The following MAF variants were observed in gnomAD, a reference collection of about 807,000 sequenced individuals.
MAF encodes the protein MAF bZIP transcription factor.
MAF carries 10 observed loss-of-function variants against 22.0 expected under a neutral mutation model. The observed-to-expected ratio is 0.45, with a 90% CI of 0.28 to 0.77. MAF has a LOEUF of 0.77. Among genes scored for constraint, MAF ranks in the 30% least tolerant of loss-of-function variants. MAF has a pLI of 0.12. For synonymous variants in MAF, 337 were observed against 255.8 expected, an observed-to-expected ratio of 1.32 and a Z score of -3.03; for missense variants, 544 against 548.4, an observed-to-expected ratio of 0.99 and a Z score of 0.08.
the MAF span, among the ~76,000 whole-genome samples, chr16:79,569,797 G>A: frequency 5.3e-5 from 8 of 152,196 alleles, no homozygotes; most frequent in African/African-American, 1.7e-4. Context: ...ATTTTCACAA[G>A]TGACCAATGT....
At position 79,598,946 on chromosome 16, in the gene MAF, C is replaced by T. The variant is rs1597847472; in HGVS notation, c.957G>A (p.Glu319=). The T allele has an allele frequency of 1.2e-6, 2 of 1,613,788 alleles. No homozygotes were observed. Among genetic ancestry groups the T allele is most frequent in the Non-Finnish European group, 1.7e-6 (2 of 1,179,948 alleles). Residue 319 remains glutamate, a synonymous_variant, in exon 1 of 2, where the codon GAG becomes GAA. Transcript: ENST00000326043. ...CGACTTGCTGCAGCAGCTGGTTCTT[C>T]TCCGACTCCAGGACGTGTCTCTGCT... is the stretch of plus-strand genomic sequence containing the variant. ...RVQQRHVLES[E]KNQLLQQVDH...
the MAF span, among the ~76,000 whole-genome samples, chr16:79,280,113 C>G: frequency 6.6e-6 from 1 of 152,162 alleles, no homozygotes; most frequent in Non-Finnish European, 1.5e-5. Context: ...CCCTATTAAC[C>G]AGAAGTGATT....
chr16:79,397,218 A>G, the MAF span, among the ~76,000 whole-genome samples: 8 of 152,206 alleles, frequency 5.3e-5, no homozygotes, highest in Non-Finnish European at 1.0e-4. Flanking sequence ...TGTGTCTTCC[A>G]CAACCATGGG....
the MAF span, among the ~76,000 whole-genome samples, chr16:79,208,930 T>C: frequency 1.3e-5 from 2 of 152,094 alleles, no homozygotes; most frequent in Admixed American, 6.5e-5. Flanking sequence ...GAAAGTAGAG[T>C]GAGTACCCAT....
the MAF span, among the ~76,000 whole-genome samples, chr16:79,371,415 G>T: frequency 6.6e-6 from 1 of 152,186 alleles, no homozygotes; most frequent in Non-Finnish European, 1.5e-5. Context: ...TGGGACGAGT[G>T]TCTAGAAATA....
the MAF span, among the ~76,000 whole-genome samples, chr16:79,401,665 AATAATAGTG>A: frequency 6.6e-6 from 1 of 152,186 alleles, no homozygotes; most frequent in East Asian, 1.9e-4. Context: ...CATACAAAAT[AATAATAGTG>A]ATAATAATAA....
the MAF span, among the ~76,000 whole-genome samples, chr16:79,362,745 A>T: frequency 6.6e-6 from 1 of 152,216 alleles, no homozygotes; most frequent in African/African-American, 2.4e-5. Flanking sequence ...GTGAAACTCC[A>T]AGTTGCAGAT....
chr16:79,226,385 G>C, the MAF span, among the ~76,000 whole-genome samples: 1 of 152,024 alleles, frequency 6.6e-6, no homozygotes, highest in East Asian at 1.9e-4. Flanking sequence ...TCAGGGGGTG[G>C]GGTGTTAGGG....
At chr16:79,414,976 C>T in the MAF span, among the ~76,000 whole-genome samples, 12 of 152,186 alleles carry the variant, frequency 7.9e-5, no homozygotes, top group Admixed American at 7.9e-4. Context: ...ACAGGAAATT[C>T]TGCACCAGCT....
the MAF span, among the ~76,000 whole-genome samples, chr16:79,352,301 G>T: frequency 1.3e-5 from 2 of 152,110 alleles, no homozygotes; most frequent in African/African-American, 4.8e-5. Context: ...AAATAATCAC[G>T]TATTCCACGT....
At chr16:79,456,527 G>C in the MAF span, among the ~76,000 whole-genome samples, 1 of 152,306 alleles carries the variant, frequency 6.6e-6, no homozygotes, top group South Asian at 2.1e-4. Context: ...TTGGTTTGCT[G>C]AATGAGCATA....
chr16:79,570,966 T>C, the MAF span, among the ~76,000 whole-genome samples: 1 of 152,172 alleles, frequency 6.6e-6, no homozygotes, highest in African/African-American at 2.4e-5. Context: ...TTCCATCAGA[T>C]CTGTTCTAGC....
chr16:79,392,496 GGAGA>G, the MAF span, among the ~76,000 whole-genome samples: 17 of 148,290 alleles, frequency 1.1e-4, no homozygotes, highest in Admixed American at 4.0e-4. Flanking sequence ...AGAGATAGGA[GGAGA>G]GAGAGAGAGA....
At chr16:79,397,762 G>T in the MAF span, among the ~76,000 whole-genome samples, 1 of 152,096 alleles carries the variant, frequency 6.6e-6, no homozygotes, top group African/African-American at 2.4e-5. Context: ...TGGCTCTAAG[G>T]GTAGAGCCCC....
the MAF span, among the ~76,000 whole-genome samples, chr16:79,439,279 TGA>T: frequency 1.4e-5 from 2 of 147,032 alleles, no homozygotes; most frequent in African/African-American, 2.5e-5. Flanking sequence ...TTTTTTTTTT[TGA>T]GACGGAGTCT....
At chr16:79,275,955 C>T in the MAF span, among the ~76,000 whole-genome samples, 4 of 152,108 alleles carry the variant, frequency 2.6e-5, no homozygotes, top group African/African-American at 9.7e-5. Flanking sequence ...TCCTGGCTAA[C>T]ACGGTGAAAT....
the MAF span, among the ~76,000 whole-genome samples, chr16:79,213,757 A>C: frequency 3.3e-5 from 5 of 151,932 alleles, no homozygotes; most frequent in East Asian, 1.9e-4. Context: ...AATTCAGAGG[A>C]GAAGAAACTG....
the MAF span, among the ~76,000 whole-genome samples, chr16:79,213,062 G>A: frequency 2.7e-4 from 41 of 152,150 alleles, no homozygotes; most frequent in African/African-American, 9.9e-4. Flanking sequence ...TTTGAGAATG[G>A]GAGCTGTGCA....
At chr16:79,388,056 A>G in the MAF span, among the ~76,000 whole-genome samples, 1 of 152,134 alleles carries the variant, frequency 6.6e-6, no homozygotes, top group Non-Finnish European at 1.5e-5. Flanking sequence ...TTTTCTTTAG[A>G]GTTTATTTTG....
Sources: gnomAD v4.1 joint callset for allele counts (sites outside exome capture counted in the v4.1 genomes callset) on GRCh38, gnomAD v4.1.1 for gene constraint, MANE v1.5 for transcripts, NCBI Gene and HGNC (gene_info 2026-07-23, HGNC 2026-07-21) for gene names.